The following PRKCZ variants were observed in gnomAD, a reference collection of about 807,000 sequenced individuals.
The protein encoded by PRKCZ is protein kinase C zeta type.
PRKCZ carries 33 observed loss-of-function variants against 79.5 expected under a neutral mutation model. The ratio of observed to expected loss-of-function variants is 0.41; its 90% CI spans 0.31 to 0.55. The LOEUF (loss-of-function observed/expected upper bound fraction) is 0.55, where lower values mean the gene tolerates loss of function less well. PRKCZ is among the 20% of genes least tolerant of loss of function. PRKCZ has a pLI of 0.19. For missense variants in PRKCZ, 578 were observed against 813.5 expected (o/e 0.71, Z 3.52); for synonymous variants, 342 against 320.9 (o/e 1.07, Z -0.70).
At chr1:2,175,008 C>T (rs565015463) in intron 15 of PRKCZ, among the ~76,000 whole-genome samples, 175 bp downstream of exon 15, 11 of 152,244 alleles carry the variant, frequency 7.2e-5, no homozygotes, top group African/African-American at 2.2e-4. Context: ...CGTTTTTACT[C>T]ACACCTAACA....
intron 4 of PRKCZ, among the ~76,000 whole-genome samples, chr1:2,087,505 G>C (rs965555205): frequency 4.6e-5 from 7 of 152,176 alleles, no homozygotes; most frequent in Non-Finnish European, 1.0e-4. Flanking sequence ...GGCATCCCGA[G>C]GTGCCAGGCG....
intron 3 of PRKCZ, among the ~76,000 whole-genome samples, chr1:2,056,835 T>C (rs559800319): frequency 4.6e-5 from 7 of 151,658 alleles, no homozygotes; most frequent in Non-Finnish European, 1.0e-4. Context: ...TTCATGCCAT[T>C]CTCCTGCCTC....
At position 2,112,675 on chromosome 1, in the gene PRKCZ, T is replaced by TTTGG. The variant is rs201382285; in HGVS notation, c.335-22572_335-22569dup. Among the ~76,000 whole-genome samples, 1,318 of 140,680 alleles carry TTTGG rather than the reference T, an allele frequency of 9.4e-3. 48 individuals carry two copies. The East Asian group carries it at 0.13, about 14-fold the overall frequency. The allele number at this position is 140,680 out of a possible 152,430, so 92.3% of individuals were successfully genotyped here. ...AGTTGCAGTTCCGTTTTTTTGTTTG[T>TTTGG]TTGGTTGGTTGGTTGGTTTTTTTTT... is the stretch of plus-strand genomic sequence containing the variant. On this transcript the variant is annotated intron_variant, in intron 4 of 17. Coordinates refer to ENST00000378567, the MANE Select transcript of PRKCZ (RefSeq NM_002744.6).
intron 10 of PRKCZ, among the ~76,000 whole-genome samples, chr1:2,167,683 A>C (rs1398639020): frequency 2.0e-5 from 3 of 152,156 alleles, no homozygotes; most frequent in Non-Finnish European, 4.4e-5. Flanking sequence ...AGCTCACTGC[A>C]GCCTGTGCCT....
chr1:2,174,162 C>A lies in PRKCZ; in HGVS notation c.1405+146C>A. 8.6e-7 allele frequency: 1 copy of A among 1,158,844 alleles called. No individual in the cohort carries two copies. Among genetic ancestry groups the A allele is most frequent in the Non-Finnish European group, 1.2e-6 (1 of 865,390 alleles). The allele number at this position is 1,158,844 out of a possible 1,614,324, so 71.8% of individuals were successfully genotyped here. On this transcript the variant is annotated intron_variant, in intron 14 of 17. Transcript: ENST00000378567. This position sits in a 1 kb window ranked among gnomAD's most constrained non-coding sequence, Gnocchi z 6.2. ...GGGAACCATTCCTCCTGGCCAGACC[C>A]TGTGTCACATGCCACTCCCCGGGCC...
chr1:2,150,772 CT>C lies in PRKCZ; in HGVS notation c.688-16del. The stretch of plus-strand genomic sequence containing the variant: ...GAACCCCCCTCTCACTTTCTGGGGT[CT>C]TGTTCTCCCTCCCTAGGACCTTAAG... On this transcript the variant is annotated splice_polypyrimidine_tract_variant and intron_variant, in intron 8 of 17. Coordinates refer to ENST00000378567, the MANE Select transcript of PRKCZ (RefSeq NM_002744.6). The C allele has an allele frequency of 6.2e-7, 1 of 1,607,070 alleles. No individual in the cohort carries two copies. The highest frequency in any genetic ancestry group is 1.1e-5 in the South Asian group (1 of 90,712).
chr1:2,181,372 CT>C (rs1483249889), intron 16 of PRKCZ, among the ~76,000 whole-genome samples: 1 of 152,246 alleles, frequency 6.6e-6, no homozygotes, highest in Non-Finnish European at 1.5e-5. Context: ...AACGGGCCCC[CT>C]GTTGTATCTC....
At chr1:2,120,293 GTTTTTTTTTTTTTTTTT>G (rs59518072) in intron 4 of PRKCZ, among the ~76,000 whole-genome samples, 2 of 32,842 alleles carry the variant, frequency 6.1e-5, no homozygotes, top group Non-Finnish European at 1.1e-4. Context: ...TTGACTTTTC[GTTTTTTTTTTTTTTTTT>G]TTTTTTTTTT....
At position 2,178,887 on chromosome 1, in the gene PRKCZ, A is replaced by G. The variant is rs1303043831; in HGVS notation, c.1575+3574A>G. Among the ~76,000 whole-genome samples, 1 of 152,044 alleles carries G rather than the reference A, an allele frequency of 6.6e-6. No homozygotes were observed. The highest frequency in any genetic ancestry group is 1.5e-5 in the Non-Finnish European group (1 of 67,980). On this transcript the variant is annotated intron_variant, in intron 16 of 17. Transcript: ENST00000378567. The surrounding 1 kb of genome is among the most constrained non-coding windows in gnomAD (Gnocchi z 4.3). ...GAAAGGACACAGTGCCCGCCCCCCGAGTGTCCGAGGGTAGAGCTGGGACAG... is the reference window on the plus strand; with the variant it reads ...GAAAGGACACAGTGCCCGCCCCCCGGGTGTCCGAGGGTAGAGCTGGGACAG...
At position 2,055,421 on chromosome 1, in the gene PRKCZ, C is replaced by A. The variant is rs70937050; in HGVS notation, c.72-20C>A. On this transcript the variant is annotated intron_variant, in intron 1 of 17. Coordinates refer to ENST00000378567, the MANE Select transcript of PRKCZ (RefSeq NM_002744.6). ...AAATATGCCCCACGGTAACAGATGCCCATGTCCCCTCTGCCCCAGGGACAT... is the reference window on the plus strand; with the variant it reads ...AAATATGCCCCACGGTAACAGATGCACATGTCCCCTCTGCCCCAGGGACAT... 6.3e-5 allele frequency: 101 copies of A among 1,593,306 alleles called. No individual in the cohort carries two copies. In the East Asian group the frequency reaches 2.1e-3, roughly 33 times the overall value.
At chr1:2,087,334 C>T (rs761639453) in intron 4 of PRKCZ, among the ~76,000 whole-genome samples, 6 of 152,114 alleles carry the variant, frequency 3.9e-5, no homozygotes, top group African/African-American at 4.8e-5. Flanking sequence ...CCACCCACCT[C>T]GGCCTCCCAA....
At chr1:2,112,948 T>C (rs1670051790) in intron 4 of PRKCZ, among the ~76,000 whole-genome samples, 1 of 152,236 alleles carries the variant, frequency 6.6e-6, no homozygotes, top group Admixed American at 6.5e-5. Flanking sequence ...TGCCTTGGCC[T>C]CCCAAAGTGC....
chr1:2,121,886 GGTTAGGGTCACGGTGGTA>G (rs1212835701), intron 4 of PRKCZ, among the ~76,000 whole-genome samples: 1 of 11,580 alleles, frequency 8.6e-5, no homozygotes, highest in African/African-American at 2.1e-3. Context: ...TCACGGTGGT[GGTTAGGGTCACGGTGGTA>G]GTTAGGGTCA....
In PRKCZ at chr1:2,056,583, G is replaced by C. The variant is rs185657356; in HGVS notation, c.283+10G>C. 418 of 1,610,730 alleles carry C rather than the reference G, an allele frequency of 2.6e-4. 1 individual carries two copies. The highest frequency in any genetic ancestry group is 3.4e-4 in the Non-Finnish European group (396 of 1,177,918). ...GGCCTCATCATTCATGGTTAGTGGC[G>C]GGGTCTGTGGTGGGCAGCTCTGGGG... On this transcript the variant is annotated intron_variant, in intron 3 of 17. Transcript: ENST00000378567.
Position 2,121,673 on chromosome 1 carries a change from G to A in PRKCZ, c.335-13589G>A, listed in dbSNP as rs1284204249. On this transcript the variant is annotated intron_variant, in intron 4 of 17. Transcript: ENST00000378567. ...TCACGGTGGTGGTTAGGGTCGTGGT[G>A]GTGGTTAGGGTCACGGTGGTGGTTA... is the stretch of plus-strand genomic sequence containing the variant. 1.7e-3 allele frequency among the ~76,000 whole-genome samples: 226 copies of A among 133,620 alleles called. 37 individuals are homozygous for A. The highest frequency in any genetic ancestry group is 6.9e-3 in the African/African-American group (212 of 30,552). 87.7% of individuals were successfully genotyped at this position (133,620 alleles called of 152,430 possible).
intron 4 of PRKCZ, among the ~76,000 whole-genome samples, chr1:2,079,933 C>T (rs13303153): frequency 6.6e-6 from 1 of 152,142 alleles, no homozygotes; most frequent in Non-Finnish European, 1.5e-5. Flanking sequence ...CTGCTGCCCC[C>T]GCAAGCCCTC....
rs559314065 is a variant in PRKCZ, at chr1:2,102,878, C to T, written c.335-32384C>T. ...CTGTTTTTATATTCTGGCCCCTCCC[C>T]CCGTCTGTCTCTCTCTCAAGAGACA... On this transcript the variant is annotated intron_variant, in intron 4 of 17. Transcript: ENST00000378567. Among the ~76,000 whole-genome samples, 3 of 151,768 alleles carry T rather than the reference C, an allele frequency of 2.0e-5. No homozygotes were observed. In the East Asian group the frequency reaches 5.8e-4, roughly 30 times the overall value.
At chr1:2,052,780 A>G (rs140246253) in intron 1 of PRKCZ, among the ~76,000 whole-genome samples, 1 of 152,226 alleles carries the variant, frequency 6.6e-6, no homozygotes, top group African/African-American at 2.4e-5. Context: ...AGCCCTAGAA[A>G]CTCTGTCCCT....
In PRKCZ at chr1:2,173,215, C is replaced by T. The variant is rs141680383; in HGVS notation, c.1286-682C>T. 6.6e-5 allele frequency among the ~76,000 whole-genome samples: 10 copies of T among 152,216 alleles called. No individual in the cohort carries two copies. Among genetic ancestry groups the T allele is most frequent in the Admixed American group, 2.6e-4 (4 of 15,302 alleles). ...GGGCAGGCAGGGCGGGCAGGTCACTCGCCGCTGGGATAACTGGGCTCCCCA... is the reference window on the plus strand; with the variant it reads ...GGGCAGGCAGGGCGGGCAGGTCACTTGCCGCTGGGATAACTGGGCTCCCCA... On this transcript the variant is annotated intron_variant, in intron 13 of 17. Coordinates refer to ENST00000378567, the MANE Select transcript of PRKCZ (RefSeq NM_002744.6). The surrounding 1 kb of genome is among the most constrained non-coding windows in gnomAD (Gnocchi z 5.7).
Sources: allele counts gnomAD v4.1 joint callset (sites outside exome capture counted in the v4.1 genomes callset), GRCh38; gene constraint gnomAD v4.1.1; non-coding constraint Gnocchi (gnomAD v3.1); transcripts MANE v1.5; gene names NCBI Gene and HGNC (gene_info 2026-07-23, HGNC 2026-07-21).